The following MAGI2 variants were observed in gnomAD, a reference collection of about 807,000 sequenced individuals.
The protein encoded by MAGI2 is membrane associated guanylate kinase, WW and PDZ domain containing 2.
A neutral mutation model predicts 133.3 loss-of-function variants in MAGI2; 35 were observed. The ratio of observed to expected loss-of-function variants is 0.26; its 90% CI spans 0.20 to 0.35. The LOEUF (loss-of-function observed/expected upper bound fraction) is 0.35. Ranked by LOEUF, MAGI2 falls within the 10% of genes least tolerant of loss-of-function variation. The pLI, the probability that MAGI2 is intolerant of heterozygous loss-of-function variation, is 1.00. For missense variants in MAGI2, 1,636 were observed against 1,863.4 expected, an observed-to-expected ratio of 0.88 and a Z score of 2.25; for synonymous variants, 729 against 710.6, an observed-to-expected ratio of 1.03 and a Z score of -0.41.
At chr7:78,424,635 T>C (rs929084091) in intron 6 of MAGI2, among the ~76,000 whole-genome samples, 5 of 152,166 alleles carry the variant, frequency 3.3e-5, no homozygotes, top group Admixed American at 2.6e-4. Flanking sequence ...TGCAAAGCCA[T>C]AGGGGTGGAG....
chr7:78,122,638 T>A (rs754490312), intron 20 of MAGI2, among the ~76,000 whole-genome samples: 6 of 152,178 alleles, frequency 3.9e-5, no homozygotes, highest in Non-Finnish European at 7.4e-5. Context: ...TTTATGGAAA[T>A]GCGAACTATA....
intron 1 of MAGI2, among the ~76,000 whole-genome samples, chr7:79,225,918 A>G (rs1384957353): frequency 6.6e-6 from 1 of 152,136 alleles, no homozygotes; most frequent in East Asian, 1.9e-4. Flanking sequence ...AGTTATTATG[A>G]GATAATTATA....
At chr7:78,143,447 T>C (rs1258812266) in intron 16 of MAGI2, among the ~76,000 whole-genome samples, 1 of 152,158 alleles carries the variant, frequency 6.6e-6, no homozygotes, top group Non-Finnish European at 1.5e-5. Flanking sequence ...CTTTTATTTA[T>C]AATTTATTAC....
chr7:78,800,814 A>G (rs1445043691), intron 2 of MAGI2, among the ~76,000 whole-genome samples: 1 of 152,106 alleles, frequency 6.6e-6, no homozygotes, highest in African/African-American at 2.4e-5. Context: ...TTTGTGATCA[A>G]TGGCAGGAAT....
intron 2 of MAGI2, among the ~76,000 whole-genome samples, chr7:78,648,355 G>A (rs369545467): frequency 5.9e-5 from 9 of 152,114 alleles, no homozygotes; most frequent in Non-Finnish European, 1.0e-4. Flanking sequence ...TGCTCAGTAC[G>A]TTGCAGTAAT....
At chr7:78,241,890 T>C (rs941876830) in intron 10 of MAGI2, among the ~76,000 whole-genome samples, 1 of 151,138 alleles carries the variant, frequency 6.6e-6, no homozygotes, top group Non-Finnish European at 1.5e-5. Flanking sequence ...GCCGAGATCA[T>C]GCCACTGCAC....
chr7:79,427,656 G>T (rs1847485156), intron 1 of MAGI2, among the ~76,000 whole-genome samples: 1 of 152,116 alleles, frequency 6.6e-6, no homozygotes, highest in African/African-American at 2.4e-5. Context: ...GCATATGTAG[G>T]AAAATGGCAT....
At chr7:79,192,272 T>C (rs919791236) in intron 1 of MAGI2, among the ~76,000 whole-genome samples, 3 of 151,904 alleles carry the variant, frequency 2.0e-5, no homozygotes, top group Non-Finnish European at 4.4e-5. Flanking sequence ...TTTCATGAAG[T>C]GTAGAATTTT....
intron 1 of MAGI2, among the ~76,000 whole-genome samples, chr7:79,397,612 T>C (rs1332744496): frequency 6.6e-6 from 1 of 152,118 alleles, no homozygotes; most frequent in African/African-American, 2.4e-5. Context: ...TAACCAGCTT[T>C]TAGTATTAAC....
chr7:78,410,844 A>G (rs1797805037), intron 6 of MAGI2, among the ~76,000 whole-genome samples: 1 of 152,026 alleles, frequency 6.6e-6, no homozygotes, highest in Non-Finnish European at 1.5e-5. Context: ...GATAATAAAA[A>G]TCAAAAAGGG....
Position 78,019,295 on chromosome 7 carries a change from G to A in MAGI2, c.*20C>T. ...GAACTGCCTGCGCCGGGGCGGGCGG[G>A]TTGGCCGTGGCCGCGCGGCTCATCT... On this transcript the variant is annotated 3_prime_UTR_variant, in exon 22 of 22. Transcript: ENST00000354212. The A allele has an allele frequency of 1.3e-6, 2 of 1,573,232 alleles. No individual in the cohort carries two copies. Among genetic ancestry groups the A allele is most frequent in the Non-Finnish European group, 1.7e-6 (2 of 1,169,194 alleles).
intron 9 of MAGI2, among the ~76,000 whole-genome samples, chr7:78,301,779 A>G (rs1461404899): frequency 1.3e-5 from 2 of 152,192 alleles, no homozygotes; most frequent in Non-Finnish European, 2.9e-5. Flanking sequence ...TCATTTTTCT[A>G]TGCTTGTACA....
At chr7:79,315,588 T>C (rs1838658781) in intron 1 of MAGI2, among the ~76,000 whole-genome samples, 1 of 152,166 alleles carries the variant, frequency 6.6e-6, no homozygotes, top group Non-Finnish European at 1.5e-5. Context: ...GTTCAAATGA[T>C]ATGACAACGT....
intron 2 of MAGI2, among the ~76,000 whole-genome samples, chr7:78,834,785 G>A (rs1791471821): frequency 6.6e-6 from 1 of 152,088 alleles, no homozygotes; most frequent in Non-Finnish European, 1.5e-5. Context: ...TTTGGTCATG[G>A]GGTGGATCCC....
chr7:78,304,079 A>G (rs1057490675), intron 9 of MAGI2, among the ~76,000 whole-genome samples: 1 of 152,128 alleles, frequency 6.6e-6, no homozygotes, highest in African/African-American at 2.4e-5. Flanking sequence ...TAGCACATCC[A>G]TCTATTCCAT....
In MAGI2 at chr7:78,023,069, C is replaced by A. The variant is rs148030370; in HGVS notation, c.3707-3093G>T. On this transcript the variant is annotated intron_variant, in intron 21 of 21. Transcript: ENST00000354212. The stretch of plus-strand genomic sequence containing the variant: ...TGCACAGGAACTCTTCAGTTCAGTA[C>A]GAAACATATGGTGTCTGTCCAGGCA... Among the ~76,000 whole-genome samples, 251 of 152,236 alleles carry A rather than the reference C, an allele frequency of 1.6e-3. 1 individual carries two copies. The highest frequency in any genetic ancestry group is 5.7e-3 in the African/African-American group (238 of 41,532).
In MAGI2 at chr7:78,255,927, C is replaced by A. The variant is rs1376530360; in HGVS notation, c.2047+16G>T. The A allele has an allele frequency of 6.2e-7, 1 of 1,611,920 alleles. No individual in the cohort carries two copies. The highest frequency in any genetic ancestry group is 8.5e-7 in the Non-Finnish European group (1 of 1,179,028). Reference sequence around the variant, plus strand: ...TTTACCCACATATTTTATTGCTGAGCCAGTGTTTGTCTTACCTCCTCGATG... The same window carrying A: ...TTTACCCACATATTTTATTGCTGAGACAGTGTTTGTCTTACCTCCTCGATG... On this transcript the variant is annotated intron_variant, in intron 10 of 21. Transcript: ENST00000354212.
chr7:78,775,320 T>TAAAAAA lies in MAGI2; in HGVS notation c.419-148087_419-148082dup, dbSNP rs3086258. 9.2e-4 allele frequency among the ~76,000 whole-genome samples: 53 copies of TAAAAAA among 57,374 alleles called. 11 individuals are homozygous for TAAAAAA. The highest frequency in any genetic ancestry group is 2.4e-3 in the Admixed American group (9 of 3,716). The allele number at this position is 57,374 out of a possible 152,430, so 37.6% of individuals were successfully genotyped here. ...AGAGCGAGACTCTGTCGTCTCAAAT[T>TAAAAAA]AAAAAAAAAAAAAAAAAAAAAAAAA... On this transcript the variant is annotated intron_variant, in intron 2 of 21. Transcript: ENST00000354212.
chr7:79,274,346 T>C (rs1835085462), intron 1 of MAGI2, among the ~76,000 whole-genome samples: 1 of 152,050 alleles, frequency 6.6e-6, no homozygotes, highest in Non-Finnish European at 1.5e-5. Flanking sequence ...TAAAGTTTCC[T>C]GGGTGATGCT....
Sources: gnomAD v4.1 joint callset for allele counts (sites outside exome capture counted in the v4.1 genomes callset) on GRCh38, gnomAD v4.1.1 for gene constraint, MANE v1.5 for transcripts, NCBI Gene and HGNC (gene_info 2026-07-23, HGNC 2026-07-21) for gene names.